Variants in NKAIN3 observed in about 807,000 individuals in gnomAD.
NKAIN3 encodes the protein sodium/potassium transporting ATPase interacting 3, also known as sodium/potassium-transporting ATPase subunit beta-1-interacting protein 3.
Under a neutral mutation model 30.2 loss-of-function variants are expected in NKAIN3, and 25 were observed. The ratio of observed to expected loss-of-function variants is 0.83; its 90% CI spans 0.60 to 1.16. NKAIN3 has a LOEUF of 1.16. Ranked by LOEUF, NKAIN3 falls within the 50% of genes most tolerant of loss-of-function variation. The probability of loss-of-function intolerance (pLI) is 0.00; values close to 1 mark genes in which losing one functional copy is unlikely to be tolerated. For missense variants in NKAIN3, 225 were observed against 254.1 expected (o/e 0.89, Z 0.78); for synonymous variants, 91 against 89.6 (o/e 1.02, Z -0.09).
intron 1 of NKAIN3, among the ~76,000 whole-genome samples, chr8:62,466,771 C>T (rs1201761738): frequency 6.6e-6 from 1 of 152,076 alleles, no homozygotes; most frequent in Non-Finnish European, 1.5e-5. Flanking sequence ...GAGTATAATG[C>T]ATATTCTTCT....
At chr8:62,493,385 G>T (rs1418578752) in intron 1 of NKAIN3, among the ~76,000 whole-genome samples, 1 of 151,920 alleles carries the variant, frequency 6.6e-6, no homozygotes, top group Non-Finnish European at 1.5e-5. Flanking sequence ...TTGTCTATGT[G>T]TCTGTTTTTA....
chr8:62,780,013 A>C (rs1817309041), intron 4 of NKAIN3, among the ~76,000 whole-genome samples: 1 of 152,120 alleles, frequency 6.6e-6, no homozygotes, highest in Admixed American at 6.6e-5. Context: ...TTGAAACAAA[A>C]AGTTGGTTCC....
chr8:62,874,796 A>C (rs893256920), intron 4 of NKAIN3, among the ~76,000 whole-genome samples: 1 of 152,206 alleles, frequency 6.6e-6, no homozygotes, highest in African/African-American at 2.4e-5. Flanking sequence ...TCAATAAACT[A>C]GGTATTGATG....
At chr8:62,291,587 C>T (rs1450793378) in intron 1 of NKAIN3, among the ~76,000 whole-genome samples, 1 of 152,158 alleles carries the variant, frequency 6.6e-6, no homozygotes, top group Non-Finnish European at 1.5e-5. Flanking sequence ...GTTGATTGCA[C>T]TGTGGTCTGA....
intron 3 of NKAIN3, among the ~76,000 whole-genome samples, chr8:62,661,628 C>T (rs1024708575): frequency 1.3e-5 from 2 of 152,086 alleles, no homozygotes; most frequent in African/African-American, 4.8e-5. Context: ...CCTCCTTCCC[C>T]ACTTGGTTGC....
chr8:62,740,156 A>T (rs1453693263), intron 3 of NKAIN3, among the ~76,000 whole-genome samples: 70 of 152,208 alleles, frequency 4.6e-4, no homozygotes, highest in Non-Finnish European at 4.4e-5. Flanking sequence ...TGTTTCAGGA[A>T]AAAGAAAACA....
At chr8:62,902,769 C>T (rs953501949) in intron 4 of NKAIN3, among the ~76,000 whole-genome samples, 2 of 152,096 alleles carry the variant, frequency 1.3e-5, no homozygotes, top group East Asian at 1.9e-4. Flanking sequence ...TCAAACTAGC[C>T]ACATAATACC....
chr8:62,877,554 C>A (rs904038393), intron 4 of NKAIN3, among the ~76,000 whole-genome samples: 1 of 152,224 alleles, frequency 6.6e-6, no homozygotes, highest in Non-Finnish European at 1.5e-5. Flanking sequence ...CATGAAAGGT[C>A]ACACATAGGA....
chr8:62,914,575 T>G (rs943636814), intron 4 of NKAIN3, among the ~76,000 whole-genome samples: 2 of 152,164 alleles, frequency 1.3e-5, no homozygotes, highest in Non-Finnish European at 2.9e-5. Context: ...ATGGACTAGA[T>G]GTACAAACAC....
chr8:62,783,706 G>A (rs1371781298), intron 4 of NKAIN3, among the ~76,000 whole-genome samples: 1 of 151,294 alleles, frequency 6.6e-6, no homozygotes, highest in Non-Finnish European at 1.5e-5. Flanking sequence ...AACCTCCTGG[G>A]CTCAAGCAAT....
chr8:62,465,472 A>G (rs1806134284), intron 1 of NKAIN3, among the ~76,000 whole-genome samples: 1 of 152,204 alleles, frequency 6.6e-6, no homozygotes, highest in Non-Finnish European at 1.5e-5. Flanking sequence ...ATTTTAAAGT[A>G]TTTTCCCGTC....
chr8:62,942,433 G>A (rs1414747175), intron 5 of NKAIN3, among the ~76,000 whole-genome samples: 1 of 150,698 alleles, frequency 6.6e-6, no homozygotes. Context: ...AATCAATATT[G>A]TGAAATGACC....
chr8:62,678,748 A>G (rs1813558773), intron 3 of NKAIN3, among the ~76,000 whole-genome samples: 3 of 151,490 alleles, frequency 2.0e-5, no homozygotes, highest in African/African-American at 7.3e-5. Flanking sequence ...ATTTATCAAA[A>G]ATATCTAGAA....
intron 4 of NKAIN3, among the ~76,000 whole-genome samples, chr8:62,839,335 C>T (rs1361517926): frequency 1.4e-5 from 2 of 147,804 alleles, no homozygotes; most frequent in South Asian, 4.3e-4. Context: ...ACTTTCACAC[C>T]AAGACAGAAT....
chr8:62,405,754 T>C (rs1324072912), intron 1 of NKAIN3, among the ~76,000 whole-genome samples: 1 of 152,172 alleles, frequency 6.6e-6, no homozygotes, highest in Non-Finnish European at 1.5e-5. Flanking sequence ...TGAAGGTGCT[T>C]TTTTATGTGA....
At chr8:62,301,245 G>A (rs1814039953) in intron 1 of NKAIN3, among the ~76,000 whole-genome samples, 1 of 151,956 alleles carries the variant, frequency 6.6e-6, no homozygotes, top group Non-Finnish European at 1.5e-5. Flanking sequence ...TGTTATTTAA[G>A]GGAAACATCT....
At chr8:62,657,974 T>C (rs1389639638) in intron 3 of NKAIN3, among the ~76,000 whole-genome samples, 1 of 152,174 alleles carries the variant, frequency 6.6e-6, no homozygotes, top group Non-Finnish European at 1.5e-5. Context: ...GAAAACAGAA[T>C]GGCTGAAGAG....
At chr8:62,939,555 C>T (rs951681234) in intron 5 of NKAIN3, among the ~76,000 whole-genome samples, 2 of 152,164 alleles carry the variant, frequency 1.3e-5, no homozygotes, top group Admixed American at 6.5e-5. Flanking sequence ...GAGCAGATTT[C>T]TCAGCAGAAA....
At chr8:62,711,769 C>A (rs1224597583) in intron 3 of NKAIN3, among the ~76,000 whole-genome samples, 1 of 152,106 alleles carries the variant, frequency 6.6e-6, no homozygotes, top group Non-Finnish European at 1.5e-5. Context: ...TGGTTTGGAT[C>A]CATTGCTGGT....
Sources: gnomAD v4.1 joint callset for allele counts (sites outside exome capture counted in the v4.1 genomes callset) on GRCh38, gnomAD v4.1.1 for gene constraint, MANE v1.5 for transcripts, NCBI Gene and HGNC (gene_info 2026-07-23, HGNC 2026-07-21) for gene names.